LAMA2: variants seen among roughly 807,000 people sequenced by gnomAD.
The protein encoded by LAMA2 is laminin subunit alpha 2, also known as laminin subunit alpha-2.
A neutral mutation model predicts 364.8 loss-of-function variants in LAMA2; 269 were observed. The observed-to-expected ratio is 0.74, with a 90% CI of 0.67 to 0.82. LAMA2 has a LOEUF of 0.82. Ranked by LOEUF, LAMA2 falls within the 40% of genes least tolerant of loss-of-function variation. The pLI is 0.00. For synonymous variants in LAMA2, 1,379 were observed against 1,370.6 expected (o/e 1.01, Z -0.14); for missense variants, 3,807 against 3,873.2 (o/e 0.98, Z 0.45).
intron 34 of LAMA2, among the ~76,000 whole-genome samples, chr6:129,378,728 A>C (rs1030874244): frequency 3.3e-5 from 5 of 151,424 alleles, no homozygotes; most frequent in African/African-American, 9.7e-5. Context: ...TCTGTGAGAC[A>C]AAAAAAAAGT....
chr6:128,911,526 C>T (rs1018381561), intron 1 of LAMA2, among the ~76,000 whole-genome samples: 4 of 152,154 alleles, frequency 2.6e-5, no homozygotes, highest in Admixed American at 6.5e-5. Context: ...CACTGACCTG[C>T]GCCCACTGTC....
rs540146011 is a variant in LAMA2, at chr6:129,167,411, G to A, written c.1306+1736G>A. ...CCACCTATGAGTGAGAATATGTGGT[G>A]TTTGGTTTTTTGTTCTTGCAATCGT... On this transcript the variant is annotated intron_variant, in intron 9 of 64. Coordinates refer to ENST00000421865, the MANE Select transcript of LAMA2 (RefSeq NM_000426.4). 3.3e-5 allele frequency among the ~76,000 whole-genome samples: 5 copies of A among 150,166 alleles called. No individual in the cohort carries two copies. The East Asian group carries it at 9.9e-4, about 30-fold the overall frequency.
intron 1 of LAMA2, among the ~76,000 whole-genome samples, chr6:129,033,647 G>C (rs1008539017): frequency 2.0e-5 from 3 of 151,852 alleles, no homozygotes; most frequent in Non-Finnish European, 4.4e-5. Flanking sequence ...AAACTGTTTT[G>C]CACTTCCTCT....
chr6:129,484,002 A>G (rs1169782503), intron 55 of LAMA2, among the ~76,000 whole-genome samples: 1 of 152,216 alleles, frequency 6.6e-6, no homozygotes, highest in Non-Finnish European at 1.5e-5. Flanking sequence ...AAGGACAAAA[A>G]TCTTTAAAAT....
chr6:129,287,771 G>A, intron 18 of LAMA2, 76 bp from the exon 19 acceptor site: 4 of 1,153,674 alleles, frequency 3.5e-6, no homozygotes, highest in East Asian at 2.3e-5. Context: ...TGGGAGAAGG[G>A]GAGAATGAAA....
In LAMA2 at chr6:129,304,367, C is replaced by A. The variant is rs1012528314; in HGVS notation, c.3174+3495C>A. Among the ~76,000 whole-genome samples, 6 of 152,178 alleles carry A rather than the reference C, an allele frequency of 3.9e-5. No homozygotes were observed. In the East Asian group the frequency reaches 1.2e-3, roughly 29 times the overall value. On this transcript the variant is annotated intron_variant, in intron 22 of 64. Coordinates refer to ENST00000421865, the MANE Select transcript of LAMA2 (RefSeq NM_000426.4). ...CCAGCTCCGCCTCCCGGGTTCACGC[C>A]ATTCTCCTGCCTCAGCCTCCTGAGT...
At chr6:129,136,387 T>C (rs796894835) in intron 4 of LAMA2, among the ~76,000 whole-genome samples, 41 of 152,242 alleles carry the variant, frequency 2.7e-4, no homozygotes, top group African/African-American at 9.6e-4. Flanking sequence ...TTTTGATCAT[T>C]TTTAAAAAGT....
At chr6:129,252,595 A>G (rs139932249) in intron 14 of LAMA2, among the ~76,000 whole-genome samples, 21 of 152,348 alleles carry the variant, frequency 1.4e-4, no homozygotes, top group African/African-American at 5.1e-4. Context: ...AGTCTCCTTT[A>G]TGATGGCTCA....
At chr6:129,046,814 T>C (rs1225242044) in intron 1 of LAMA2, among the ~76,000 whole-genome samples, 1 of 152,216 alleles carries the variant, frequency 6.6e-6, no homozygotes, top group Non-Finnish European at 1.5e-5. Context: ...GATATGTTTG[T>C]TTTTTCTTTC....
intron 1 of LAMA2, among the ~76,000 whole-genome samples, chr6:129,031,311 C>CATTCTAATT (rs1268595493): frequency 6.6e-6 from 1 of 152,090 alleles, no homozygotes; most frequent in African/African-American, 2.4e-5. Flanking sequence ...ATGCAACACT[C>CATTCTAATT]ATTCTAATTC....
At chr6:129,291,170 T>C (rs1289544402) in intron 19 of LAMA2, among the ~76,000 whole-genome samples, 1 of 152,208 alleles carries the variant, frequency 6.6e-6, no homozygotes, top group African/African-American at 2.4e-5. Flanking sequence ...TACAATGGGA[T>C]AATAGTATTT....
chr6:129,437,385 G>A (rs144920290), intron 41 of LAMA2, among the ~76,000 whole-genome samples: 162 of 151,978 alleles, frequency 1.1e-3, no homozygotes, highest in African/African-American at 3.4e-3. Flanking sequence ...CACTAAATGC[G>A]TGTAACATAC....
At chr6:128,917,673 C>A (rs1398231407) in intron 1 of LAMA2, among the ~76,000 whole-genome samples, 1 of 149,002 alleles carries the variant, frequency 6.7e-6, no homozygotes, top group Admixed American at 6.7e-5. Flanking sequence ...TTATTTTATA[C>A]TCTCACCCTA....
intron 14 of LAMA2, among the ~76,000 whole-genome samples, chr6:129,259,622 G>T (rs1434821763): frequency 6.6e-6 from 1 of 151,874 alleles, no homozygotes; most frequent in East Asian, 1.9e-4. Context: ...ATTTTTATTT[G>T]GTTTCAACAG....
At chr6:128,939,729 G>T (rs7774482) in intron 1 of LAMA2, among the ~76,000 whole-genome samples, 19,408 of 151,892 alleles carry the variant, frequency 0.13, 1,563 homozygotes, top group African/African-American at 0.23. Context: ...GAGTAGAGAC[G>T]GGAATAGGCA....
intron 4 of LAMA2, among the ~76,000 whole-genome samples, chr6:129,103,325 C>T (rs1309273043): frequency 6.6e-6 from 1 of 152,164 alleles, no homozygotes; most frequent in Admixed American, 6.5e-5. Context: ...TAAGTTTACA[C>T]ACATGTATGA....
At chr6:129,471,071 A>G (rs1450418952) in intron 51 of LAMA2, among the ~76,000 whole-genome samples, 1 of 151,900 alleles carries the variant, frequency 6.6e-6, no homozygotes. Context: ...TGATTATAAA[A>G]TATTTCTTAA....
chr6:129,361,892 C>A (rs1218394370), intron 32 of LAMA2, among the ~76,000 whole-genome samples: 1 of 147,064 alleles, frequency 6.8e-6, no homozygotes, highest in East Asian at 2.1e-4. Flanking sequence ...TCAAGTGATA[C>A]TCCTCCCTCA....
At chr6:129,181,590 T>A (rs1780931276) in intron 10 of LAMA2, among the ~76,000 whole-genome samples, 1 of 151,868 alleles carries the variant, frequency 6.6e-6, no homozygotes, top group Non-Finnish European at 1.5e-5. Flanking sequence ...ATTCAATGAT[T>A]GGGTTAAACA....
Sources: allele counts gnomAD v4.1 joint callset (sites outside exome capture counted in the v4.1 genomes callset), GRCh38; gene constraint gnomAD v4.1.1; transcripts MANE v1.5; gene names NCBI Gene and HGNC (gene_info 2026-07-23, HGNC 2026-07-21).